TMEM70: variants seen among roughly 807,000 people sequenced by gnomAD.
The protein encoded by TMEM70 is transmembrane protein 70, mitochondrial.
A neutral mutation model predicts 20.5 loss-of-function variants in TMEM70; 15 were observed. That is an observed-to-expected ratio of 0.73 (90% confidence interval 0.49 to 1.13). TMEM70 has a LOEUF of 1.13. TMEM70 is among the 50% of genes most tolerant of loss of function. The pLI is 0.00. For missense variants in TMEM70, 344 were observed against 331.7 expected (o/e 1.04, Z -0.29); for synonymous variants, 141 against 134.2 (o/e 1.05, Z -0.35).
chr8:73,982,111 G>A lies in TMEM70; in HGVS notation c.*490G>A. On this transcript the variant is annotated 3_prime_UTR_variant, in exon 3 of 3. Transcript: ENST00000312184. The stretch of plus-strand genomic sequence containing the variant: ...AGTCTGTCAGGAAGCTGGCTAGGAA[G>A]CCTTGCAGCAGCCATGGCTTTTAAA... The A allele has an allele frequency of 2.0e-6, 1 of 490,232 alleles. No homozygotes were observed. Among genetic ancestry groups the A allele is most frequent in the East Asian group, 5.9e-5 (1 of 17,070 alleles). 30.4% of individuals were successfully genotyped at this position (490,232 alleles called of 1,614,324 possible). A position where few individuals can be genotyped will look rare whatever the true frequency, so the allele number is the denominator to read the frequency against.
At chr8:73,977,885 C>G (rs557692577) in intron 1 of TMEM70, among the ~76,000 whole-genome samples, 11 of 152,256 alleles carry the variant, frequency 7.2e-5, no homozygotes, top group African/African-American at 2.6e-4. Flanking sequence ...GAAACTGTTA[C>G]TATTTTTACT....
At chr8:73,976,525 G>A (rs1281396979) in intron 1 of TMEM70, 34 bp downstream of exon 1, 1 of 1,476,902 alleles carries the variant, frequency 6.8e-7, no homozygotes, top group Admixed American at 2.2e-5. Flanking sequence ...CCCAAGTGAG[G>A]CGGGGAGGGC....
rs1348554123 is a variant in TMEM70 at position 73,981,262 on chromosome 8, A to G, written c.424A>G (p.Ile142Val). ...ISESVPLPIQ[I>V]IFYGIMGSFT... Reference sequence around the variant, plus strand: ...TGAAAGTGTGCCTCTGCCTATTCAAATCATATTCTATGGCATCATGGGAAG... The same window carrying G: ...TGAAAGTGTGCCTCTGCCTATTCAAGTCATATTCTATGGCATCATGGGAAG... Residue 142 changes from isoleucine to valine, a missense_variant, in exon 3 of 3, where the codon ATC (isoleucine) becomes GTC (valine). By Grantham distance (29) the Ile-to-Val change is conservative. Transcript: ENST00000312184. 2 of 1,614,048 alleles carry G rather than the reference A, an allele frequency of 1.2e-6. No individual in the cohort carries two copies. The highest frequency in any genetic ancestry group is 3.3e-5 in the Admixed American group (2 of 60,006).
chr8:73,976,312 G>T lies in TMEM70; in HGVS notation c.31G>T (p.Ala11Ser). Reference sequence around the variant, plus strand: ...GTTTCTGGCGTTGGGCAGCCCGTGGGCGGTCGAACTGCCTCTCTGCGGAAG... The same window carrying T: ...GTTTCTGGCGTTGGGCAGCCCGTGGTCGGTCGAACTGCCTCTCTGCGGAAG... MLFLALGSPWAVELPLCGRRT... is the reference protein window; with the variant it reads MLFLALGSPWSVELPLCGRRT... Residue 11 changes from alanine to serine, a missense_variant, in exon 1 of 3, where the codon GCG becomes TCG. Physicochemically the swap from Ala to Ser is moderately conservative, Grantham distance 99. Coordinates refer to ENST00000312184, the MANE Select transcript of TMEM70 (RefSeq NM_017866.6). The T allele has an allele frequency of 6.2e-7, 1 of 1,600,922 alleles. No individual in the cohort carries two copies.
Position 73,978,803 on chromosome 8 carries a change from T to C in TMEM70, c.258T>C (p.Ser86=), listed in dbSNP as rs1359962230. Reference sequence around the variant, plus strand: ...ATGTTCGATTCTTAAATACGCCATCTGACAAATCAGAAGATGGAAGGCTAA... The same window carrying C: ...ATGTTCGATTCTTAAATACGCCATCCGACAAATCAGAAGATGGAAGGCTAA... ...EGYVRFLNTP[S]DKSEDGRLIY... The change falls in exon 2 of 3, where the codon TCT becomes TCC. Residue 86 remains serine (S), a synonymous_variant. Transcript: ENST00000312184. The C allele has an allele frequency of 6.2e-7, 1 of 1,613,978 alleles. No homozygotes were observed. The highest frequency in any genetic ancestry group is 8.5e-7 in the Non-Finnish European group (1 of 1,179,956).
chr8:73,979,506 TA>T (rs1157437570), intron 2 of TMEM70, among the ~76,000 whole-genome samples: 1 of 152,224 alleles, frequency 6.6e-6, no homozygotes, highest in Non-Finnish European at 1.5e-5. Context: ...AAATTAAAGG[TA>T]AGGTAAATTT....
intron 1 of TMEM70, 42 bp from the exon 2 acceptor site, chr8:73,978,714 T>G: frequency 6.2e-7 from 1 of 1,606,926 alleles, no homozygotes; most frequent in Non-Finnish European, 8.5e-7. Context: ...CTTAAAAAAA[T>G]TTAAGAAGGT....
In TMEM70 at chr8:73,979,272, AC is replaced by A; in HGVS notation, c.316+414del. Reference sequence around the variant, plus strand: ...TTGAACTCCTCACTTCAAGTAACCCACCCACCTCGGCCTCCCAAAGTATTGG... The same window carrying A: ...TTGAACTCCTCACTTCAAGTAACCCACCACCTCGGCCTCCCAAAGTATTGG... On this transcript the variant is annotated intron_variant, in intron 2 of 2. Transcript: ENST00000312184. 2.1e-5 allele frequency: 5 copies of A among 239,620 alleles called. No homozygotes were observed. The South Asian group carries it at 2.3e-4, about 11-fold the overall frequency. 14.8% of individuals were successfully genotyped at this position (239,620 alleles called of 1,614,324 possible).
intron 1 of TMEM70, 68 bp downstream of exon 1, chr8:73,976,559 G>T (rs1016001030): frequency 7.2e-7 from 1 of 1,388,388 alleles, no homozygotes; most frequent in Admixed American, 2.7e-5. Flanking sequence ...GGCCTGGGGA[G>T]CCCCAGCGGC....
chr8:73,976,621 T>G, intron 1 of TMEM70, 130 bp downstream of exon 1: 1 of 948,904 alleles, frequency 1.1e-6, no homozygotes, highest in Non-Finnish European at 1.5e-6. Context: ...AGGAGCCCCC[T>G]CTGCGGGGCT....
chr8:73,981,521 A>C lies in TMEM70; in HGVS notation c.683A>C (p.Asn228Thr). The C allele has an allele frequency of 6.2e-7, 1 of 1,613,980 alleles. No individual in the cohort carries two copies. Among genetic ancestry groups the C allele is most frequent in the Non-Finnish European group, 8.5e-7 (1 of 1,179,904 alleles). Residue 228 changes from asparagine to threonine, a missense_variant, in exon 3 of 3, where the codon AAC (asparagine) becomes ACC (threonine). Asn to Thr is a moderately conservative substitution (Grantham distance 65). Coordinates refer to ENST00000312184, the MANE Select transcript of TMEM70 (RefSeq NM_017866.6). ...SLLVNPVLFPNREDYIHLMGY... is the reference protein window; with the variant it reads ...SLLVNPVLFPTREDYIHLMGY... ...TTAGTTAATCCAGTGCTCTTTCCAA[A>C]CCGTGAAGACTATATCCATCTAATG... is the stretch of plus-strand genomic sequence containing the variant.
intron 2 of TMEM70, among the ~76,000 whole-genome samples, chr8:73,980,672 G>T (rs866148765): frequency 6.6e-6 from 1 of 152,250 alleles, no homozygotes; most frequent in East Asian, 1.9e-4. Flanking sequence ...CTGGCCGTCC[G>T]ATATGTTTTT....
Position 73,980,727 on chromosome 8 carries a change from G to T in TMEM70, c.317-428G>T, listed in dbSNP as rs534358077. 5.3e-5 allele frequency among the ~76,000 whole-genome samples: 8 copies of T among 152,246 alleles called. No homozygotes were observed. In the South Asian group the frequency reaches 1.7e-3, roughly 32 times the overall value. On this transcript the variant is annotated intron_variant, in intron 2 of 2. Transcript: ENST00000312184. Reference sequence around the variant, plus strand: ...TCTGGTGATTTGCTGTTTTAATCCTGGGCACTTAGCCTGATAGAATTTCCC... The same window carrying T: ...TCTGGTGATTTGCTGTTTTAATCCTTGGCACTTAGCCTGATAGAATTTCCC...
At chr8:73,980,670 C>G (rs1815768821) in intron 2 of TMEM70, among the ~76,000 whole-genome samples, 1 of 152,112 alleles carries the variant, frequency 6.6e-6, no homozygotes, top group Non-Finnish European at 1.5e-5. Flanking sequence ...GCCTGGCCGT[C>G]CGATATGTTT....
At chr8:73,978,697 A>AT (rs1351953105) in intron 1 of TMEM70, 59 bp from the exon 2 acceptor site, 1 of 1,588,584 alleles carries the variant, frequency 6.3e-7, no homozygotes, top group African/African-American at 1.4e-5. Flanking sequence ...TGTCTCAAAA[A>AT]AAAAAACTTA....
In TMEM70 at chr8:73,981,360, C is replaced by T. The variant is rs1586636816; in HGVS notation, c.522C>T (p.Ala174=). 3.1e-6 allele frequency: 5 copies of T among 1,614,154 alleles called. No individual in the cohort carries two copies. The highest frequency in any genetic ancestry group is 4.2e-6 in the Non-Finnish European group (5 of 1,180,016). Residue 174 remains alanine (A), a synonymous_variant, in exon 3 of 3, where the codon GCC becomes GCT. Coordinates refer to ENST00000312184, the MANE Select transcript of TMEM70 (RefSeq NM_017866.6). Reference sequence around the variant, plus strand: ...ATGTCATTCGATTGTACCATGAGGCCACAACAGACACTTATAAAGCCATTA... The same window carrying T: ...ATGTCATTCGATTGTACCATGAGGCTACAACAGACACTTATAAAGCCATTA... The part of the protein sequence containing the change: ...KGYVIRLYHE[A]TTDTYKAITY...
At chr8:73,979,303 A>T (rs1815731629) in intron 2 of TMEM70, 1 of 206,780 alleles carries the variant, frequency 4.8e-6, no homozygotes, top group Non-Finnish European at 1.0e-5. Flanking sequence ...TATTGGGATT[A>T]CAGGCGTGAG....
In TMEM70 at chr8:73,981,233, T is replaced by C; in HGVS notation, c.395T>C (p.Ile132Thr). The C allele has an allele frequency of 6.2e-7, 1 of 1,614,210 alleles. No individual in the cohort carries two copies. Among genetic ancestry groups the C allele is most frequent in the Non-Finnish European group, 8.5e-7 (1 of 1,180,034 alleles). Residue 132 changes from isoleucine to threonine, a missense_variant, in exon 3 of 3, where the codon ATT (isoleucine) becomes ACT (threonine). Transcript: ENST00000312184. ...TACATTTTTACACAAAATAATGCTA[T>C]TTCTGAAAGTGTGCCTCTGCCTATT... is the stretch of plus-strand genomic sequence containing the variant. Reference protein sequence around the residue: ...LPYIFTQNNAISESVPLPIQI... With the variant: ...LPYIFTQNNATSESVPLPIQI...
At position 73,981,607 on chromosome 8, in the gene TMEM70, A is replaced by T. The variant is rs200138286; in HGVS notation, c.769A>T (p.Lys257Ter). ...MEETSEEKRH[K>*]DDK ...AGAAACCAGTGAAGAGAAACGGCAT[A>T]AAGATGACAAATGAGCCTATTTGTT... is the stretch of plus-strand genomic sequence containing the variant. Residue 257 changes from lysine (K) to a stop codon, truncating the protein, a stop_gained, in exon 3 of 3, where the codon AAA becomes TAA. Transcript: ENST00000312184. LOFTEE classifies it high-confidence loss of function. 1.0e-4 allele frequency: 162 copies of T among 1,605,048 alleles called. No individual in the cohort carries two copies. Among genetic ancestry groups the T allele is most frequent in the Non-Finnish European group, 1.3e-4 (158 of 1,174,670 alleles).
Sources: allele counts gnomAD v4.1 joint callset (sites outside exome capture counted in the v4.1 genomes callset), GRCh38; gene constraint gnomAD v4.1.1; transcripts MANE v1.5; gene names NCBI Gene and HGNC (gene_info 2026-07-23, HGNC 2026-07-21).